GRM8: variants seen among roughly 807,000 people sequenced by gnomAD.
GRM8 encodes the protein metabotropic glutamate receptor 8.
GRM8 carries 47 observed loss-of-function variants against 87.2 expected under a neutral mutation model. The observed-to-expected ratio is 0.54, with a 90% CI of 0.43 to 0.69. The LOEUF (loss-of-function observed/expected upper bound fraction) is 0.69, where lower values mean the gene tolerates loss of function less well. Among genes scored for constraint, GRM8 ranks in the 30% least tolerant of loss-of-function variants. The probability of loss-of-function intolerance (pLI) is 0.00; values close to 1 mark genes in which losing one functional copy is unlikely to be tolerated. For missense variants in GRM8, 1,019 were observed against 1,139.2 expected (o/e 0.89, Z 1.52); for synonymous variants, 396 against 404.5 (o/e 0.98, Z 0.25).
Position 126,649,314 on chromosome 7 carries a change from C to A in GRM8, c.1358-39816G>T, listed in dbSNP as rs559707785. ...TGGCCACCATCTAATCAGCTGCCAG[C>A]ACAGCCAGAATATAAAGCAGGCAGA... On this transcript the variant is annotated intron_variant, in intron 7 of 10. Transcript: ENST00000339582. Among the ~76,000 whole-genome samples the A allele has an allele frequency of 5.9e-5, 9 of 152,254 alleles. No individual in the cohort carries two copies. The South Asian group carries it at 1.9e-3, about 32-fold the overall frequency.
intron 6 of GRM8, among the ~76,000 whole-genome samples, chr7:126,819,470 T>C (rs1054901227): frequency 3.9e-5 from 6 of 152,192 alleles, no homozygotes; most frequent in Non-Finnish European, 4.4e-5. Context: ...ATGAATTTCA[T>C]GGGGGAAGTA....
At chr7:126,807,057 T>G (rs1170077307) in intron 6 of GRM8, among the ~76,000 whole-genome samples, 2 of 152,186 alleles carry the variant, frequency 1.3e-5, no homozygotes, top group Non-Finnish European at 2.9e-5. Flanking sequence ...CACCTCTCAC[T>G]ACCAGGGGAT....
intron 7 of GRM8, among the ~76,000 whole-genome samples, chr7:126,710,488 A>T (rs1810993374): frequency 6.6e-6 from 1 of 152,220 alleles, no homozygotes; most frequent in Non-Finnish European, 1.5e-5. Context: ...TAATGTTCAC[A>T]GCACCTTCAA....
chr7:126,775,457 G>A (rs1819325044), intron 6 of GRM8, among the ~76,000 whole-genome samples: 1 of 144,594 alleles, frequency 6.9e-6, no homozygotes, highest in Admixed American at 6.9e-5. Flanking sequence ...TAAAGAGTGA[G>A]CGCTATCAAG....
chr7:126,780,142 A>T (rs1819904141), intron 6 of GRM8, among the ~76,000 whole-genome samples: 1 of 152,220 alleles, frequency 6.6e-6, no homozygotes, highest in African/African-American at 2.4e-5. Context: ...TCATATATTC[A>T]ATTACTAAGC....
At chr7:127,159,754 G>A (rs1410477439) in intron 2 of GRM8, among the ~76,000 whole-genome samples, 1 of 151,694 alleles carries the variant, frequency 6.6e-6, no homozygotes, top group Admixed American at 6.5e-5. Flanking sequence ...TTTCATAAGA[G>A]TTACGGTTAT....
intron 7 of GRM8, among the ~76,000 whole-genome samples, chr7:126,670,754 T>G (rs986943232): frequency 3.9e-5 from 6 of 152,238 alleles, no homozygotes; most frequent in African/African-American, 1.2e-4. Context: ...CTCAGGAAGC[T>G]AAAGCAAATC....
chr7:127,087,001 G>A (rs1487522809), intron 3 of GRM8, among the ~76,000 whole-genome samples: 1 of 152,108 alleles, frequency 6.6e-6, no homozygotes, highest in African/African-American at 2.4e-5. Context: ...GTTTCTCCAA[G>A]GAAAAAATAA....
chr7:126,706,154 G>C (rs1361533115), intron 7 of GRM8, among the ~76,000 whole-genome samples: 3 of 152,134 alleles, frequency 2.0e-5, no homozygotes, highest in Non-Finnish European at 4.4e-5. Context: ...ATGTAAACCT[G>C]AGAGAAATTG....
intron 3 of GRM8, among the ~76,000 whole-genome samples, chr7:126,927,794 T>C (rs1805300159): frequency 6.6e-6 from 1 of 152,194 alleles, no homozygotes; most frequent in Non-Finnish European, 1.5e-5. Flanking sequence ...TCAAACATTG[T>C]GGAAGTCGGT....
At chr7:127,024,039 C>T (rs963681298) in intron 3 of GRM8, among the ~76,000 whole-genome samples, 8 of 152,030 alleles carry the variant, frequency 5.3e-5, no homozygotes, top group African/African-American at 1.9e-4. Context: ...CAAGGCTAGG[C>T]CTGTAAATAA....
At chr7:126,739,745 C>T (rs1174205442) in intron 7 of GRM8, among the ~76,000 whole-genome samples, 1 of 146,976 alleles carries the variant, frequency 6.8e-6, no homozygotes, top group African/African-American at 2.5e-5. Flanking sequence ...AGTCATGCAC[C>T]ACACACATTT....
intron 9 of GRM8, among the ~76,000 whole-genome samples, chr7:126,482,099 T>C (rs988568489): frequency 6.6e-6 from 1 of 152,012 alleles, no homozygotes; most frequent in Non-Finnish European, 1.5e-5. Flanking sequence ...ATCATAAGTA[T>C]GAGACACCAC....
intron 9 of GRM8, among the ~76,000 whole-genome samples, chr7:126,498,952 A>C (rs1175221742): frequency 6.6e-6 from 1 of 152,026 alleles, no homozygotes; most frequent in Non-Finnish European, 1.5e-5. Flanking sequence ...AAAATAAAAT[A>C]TCATGACAAG....
At chr7:126,992,753 T>A (rs1272058767) in intron 3 of GRM8, among the ~76,000 whole-genome samples, 1 of 151,938 alleles carries the variant, frequency 6.6e-6, no homozygotes, top group African/African-American at 2.4e-5. Flanking sequence ...GCCCTCATAA[T>A]TAATTAGTGT....
intron 8 of GRM8, among the ~76,000 whole-genome samples, chr7:126,561,870 T>C (rs1459566144): frequency 1.5e-5 from 1 of 65,572 alleles, no homozygotes; most frequent in Non-Finnish European, 3.9e-5. Flanking sequence ...AGTGAGAACA[T>C]GCGGTGTTTG....
At chr7:126,741,314 G>C (rs1397571321) in intron 7 of GRM8, among the ~76,000 whole-genome samples, 2 of 151,976 alleles carry the variant, frequency 1.3e-5, no homozygotes, top group Admixed American at 1.3e-4. Flanking sequence ...CACTAACCTT[G>C]CTTACCTGCA....
intron 8 of GRM8, among the ~76,000 whole-genome samples, chr7:126,536,678 T>C (rs984159961): frequency 3.3e-5 from 5 of 152,146 alleles, no homozygotes; most frequent in African/African-American, 1.2e-4. Flanking sequence ...AATGCTCCAC[T>C]GGGTGCTTCA....
intron 3 of GRM8, among the ~76,000 whole-genome samples, chr7:127,041,744 C>A (rs1055613561): frequency 1.3e-5 from 2 of 152,150 alleles, no homozygotes; most frequent in Admixed American, 1.3e-4. Flanking sequence ...TGTTTTATAG[C>A]AAAACCTCCT....
Sources: allele counts gnomAD v4.1 joint callset (sites outside exome capture counted in the v4.1 genomes callset), GRCh38; gene constraint gnomAD v4.1.1; transcripts MANE v1.5; gene names NCBI Gene and HGNC (gene_info 2026-07-23, HGNC 2026-07-21).